The following SPPL2B variants were observed in gnomAD, a reference collection of about 807,000 sequenced individuals.
The protein encoded by SPPL2B is signal peptide peptidase-like 2B.
Under a neutral mutation model 59.7 loss-of-function variants are expected in SPPL2B, and 39 were observed. The ratio of observed to expected loss-of-function variants is 0.65; its 90% CI spans 0.51 to 0.85. The LOEUF (loss-of-function observed/expected upper bound fraction) is 0.85. Ranked by LOEUF, SPPL2B falls within the 40% of genes least tolerant of loss-of-function variation. The pLI, the probability that SPPL2B is intolerant of heterozygous loss-of-function variation, is 0.00. For missense variants in SPPL2B, 865 were observed against 849.0 expected, an observed-to-expected ratio of 1.02 and a Z score of -0.23; for synonymous variants, 419 against 370.8, an observed-to-expected ratio of 1.13 and a Z score of -1.49.
chr19:2,337,910 G>A (rs1200487304), intron 3 of SPPL2B: 12 of 385,404 alleles, frequency 3.1e-5, no homozygotes, highest in Admixed American at 2.6e-4. Context: ...CAGGGGTGAC[G>A]GAGACCACAC....
intron 11 of SPPL2B, 49 bp downstream of exon 11, chr19:2,344,473 G>C (rs773342097): frequency 6.4e-7 from 1 of 1,567,178 alleles, no homozygotes; most frequent in Non-Finnish European, 8.7e-7. Context: ...TCAAGGTGTT[G>C]CGCGGAGCGG....
intron 2 of SPPL2B, 82 bp from the exon 3 acceptor site, chr19:2,337,361 G>C: frequency 7.4e-7 from 1 of 1,347,436 alleles, no homozygotes; most frequent in Non-Finnish European, 1.0e-6. Context: ...ACTCAGCGCA[G>C]GCTTCAGGTG....
chr19:2,334,848 G>T (rs1343853851), intron 2 of SPPL2B, 127 bp downstream of exon 2: 2 of 1,272,500 alleles, frequency 1.6e-6, no homozygotes, highest in Non-Finnish European at 1.0e-6. Flanking sequence ...CAGGTCTGGG[G>T]GACTCTTAGC....
At chr19:2,334,975 C>T (rs922764364) in intron 2 of SPPL2B, among the ~76,000 whole-genome samples, 17 of 152,062 alleles carry the variant, frequency 1.1e-4, no homozygotes, top group African/African-American at 4.1e-4. Context: ...ATAAGGGTCT[C>T]TACTGCTCCA....
intron 3 of SPPL2B, 129 bp from the exon 4 acceptor site, chr19:2,338,623 C>G: frequency 1.7e-6 from 1 of 595,448 alleles, no homozygotes; most frequent in East Asian, 3.0e-5. Context: ...AGAGGGGGAG[C>G]CAGCAGGCGC....
At position 2,341,040 on chromosome 19, in the gene SPPL2B, G is replaced by A. The variant is rs758003625; in HGVS notation, c.956+26G>A. The stretch of plus-strand genomic sequence containing the variant: ...GTAAGTGCTGCTTCCCCCGGGCCCC[G>A]GCGGGCAGCGGAGTCCTCGGGTGCA... On this transcript the variant is annotated intron_variant, in intron 8 of 14. Coordinates refer to ENST00000613503, the MANE Select transcript of SPPL2B (RefSeq NM_152988.3). 27 of 1,546,230 alleles carry A rather than the reference G, an allele frequency of 1.7e-5. No homozygotes were observed. The Middle Eastern group carries it at 6.7e-4, about 38-fold the overall frequency.
At chr19:2,335,943 G>C (rs1039982665) in intron 2 of SPPL2B, among the ~76,000 whole-genome samples, 1 of 152,238 alleles carries the variant, frequency 6.6e-6, no homozygotes. Context: ...ATCAGTGTAT[G>C]TGTGCATGTG....
At chr19:2,335,029 G>A (rs1442700940) in intron 2 of SPPL2B, among the ~76,000 whole-genome samples, 1 of 152,134 alleles carries the variant, frequency 6.6e-6, no homozygotes, top group Non-Finnish European at 1.5e-5. Context: ...GGGGTCCTCA[G>A]AGGAGTAACA....
intron 2 of SPPL2B, among the ~76,000 whole-genome samples, chr19:2,335,163 G>A (rs1429469467): frequency 6.6e-6 from 1 of 150,456 alleles, no homozygotes; most frequent in East Asian, 2.0e-4. Flanking sequence ...TTCCCACTTA[G>A]TCCTCATGCC....
intron 3 of SPPL2B, 98 bp from the exon 4 acceptor site, chr19:2,338,654 C>T (rs371476797): frequency 1.3e-5 from 10 of 796,064 alleles, no homozygotes; most frequent in African/African-American, 7.0e-5. Flanking sequence ...ACCCGAGCCT[C>T]GAGTGAGGGT....
rs117619473 is a variant in SPPL2B at position 2,335,453 on chromosome 19, C to T, written c.186+732C>T. On this transcript the variant is annotated intron_variant, in intron 2 of 14. Coordinates refer to ENST00000613503, the MANE Select transcript of SPPL2B (RefSeq NM_152988.3). ...CTTTCCCACTGCATGCTTCAGGCCCCGCCTCCTTTCTCATTGCATCCTTCA... is the reference window on the plus strand; with the variant it reads ...CTTTCCCACTGCATGCTTCAGGCCCTGCCTCCTTTCTCATTGCATCCTTCA... Among the ~76,000 whole-genome samples, 1,033 of 121,794 alleles carry T rather than the reference C, an allele frequency of 8.5e-3. 35 individuals are homozygous for T. The highest frequency in any genetic ancestry group is 0.013 in the Non-Finnish European group (664 of 52,810). 79.9% of individuals were successfully genotyped at this position (121,794 alleles called of 152,430 possible).
At chr19:2,338,499 G>T in intron 3 of SPPL2B, 1 of 458,170 alleles carries the variant, frequency 2.2e-6, no homozygotes. Flanking sequence ...ACGGCCGAGG[G>T]AGGGATTAGT....
intron 1 of SPPL2B, among the ~76,000 whole-genome samples, chr19:2,331,337 G>T (rs1968282862): frequency 6.6e-6 from 1 of 152,240 alleles, no homozygotes; most frequent in African/African-American, 2.4e-5. Context: ...CGGTTGCAAA[G>T]CGTTTGTGCT....
rs527351092 is a variant in SPPL2B at position 2,336,711 on chromosome 19, C to T, written c.187-732C>T. Among the ~76,000 whole-genome samples the T allele has an allele frequency of 1.3e-3, 187 of 148,210 alleles. 5 individuals are homozygous for T. In the South Asian group the frequency reaches 0.036, roughly 29 times the overall value. ...GTGTGAGTGTGCATGTGTGTGCTTGCGTGTGCATATGTGTGCCATGTGGTC... is the reference window on the plus strand; with the variant it reads ...GTGTGAGTGTGCATGTGTGTGCTTGTGTGTGCATATGTGTGCCATGTGGTC... On this transcript the variant is annotated intron_variant, in intron 2 of 14. Coordinates refer to ENST00000613503, the MANE Select transcript of SPPL2B (RefSeq NM_152988.3).
Position 2,340,090 on chromosome 19 carries a change from G to A in SPPL2B, c.757G>A (p.Gly253Arg), listed in dbSNP as rs1214918612. Residue 253 changes from glycine to arginine, a missense_variant, in exon 7 of 15, where the codon GGG (glycine) becomes AGG (arginine). Coordinates refer to ENST00000613503, the MANE Select transcript of SPPL2B (RefSeq NM_152988.3). ...FYDLLVYVVIGIFCLASATGL... is the reference protein window; with the variant it reads ...FYDLLVYVVIRIFCLASATGL... ...TGCCCCTGCAGTGTACGTGGTCATC[G>A]GGATCTTCTGCCTGGCCTCCGCCAC... 6 of 1,594,674 alleles carry A rather than the reference G, an allele frequency of 3.8e-6. No homozygotes were observed. The highest frequency in any genetic ancestry group is 1.7e-5 in the Admixed American group (1 of 58,548).
intron 13 of SPPL2B, among the ~76,000 whole-genome samples, chr19:2,346,204 C>T (rs960271239): frequency 6.6e-6 from 1 of 152,252 alleles, no homozygotes; most frequent in Non-Finnish European, 1.5e-5. Context: ...CAGGCCTCCT[C>T]TGCCGAGCCA....
Position 2,353,490 on chromosome 19 carries a change from T to G in SPPL2B, c.*281T>G. 2.2e-6 allele frequency: 1 copy of G among 461,426 alleles called. No homozygotes were observed. The highest frequency in any genetic ancestry group is 3.9e-6 in the Non-Finnish European group (1 of 258,956). 28.6% of individuals were successfully genotyped at this position (461,426 alleles called of 1,614,324 possible). A position where few individuals can be genotyped will look rare whatever the true frequency, so the allele number is the denominator to read the frequency against. The stretch of plus-strand genomic sequence containing the variant: ...CACCGGGGTCCGTCCTCGCAGGCCC[T>G]GCCCGGCCTCTCTGCAGACCCTCAA... On this transcript the variant is annotated 3_prime_UTR_variant, in exon 15 of 15. Coordinates refer to ENST00000613503, the MANE Select transcript of SPPL2B (RefSeq NM_152988.3).
Position 2,338,804 on chromosome 19 carries a change from C to T in SPPL2B, c.422C>T (p.Ala141Val), listed in dbSNP as rs773886320. Residue 141 changes from alanine (A) to valine (V), a missense_variant, in exon 4 of 15, where the codon GCC (alanine) becomes GTC (valine). By Grantham distance (64) the Ala-to-Val change is moderately conservative (BLOSUM62 0). Coordinates refer to ENST00000613503, the MANE Select transcript of SPPL2B (RefSeq NM_152988.3). ...TQYDEIGIPV[A>V]LLSYKDMLDI... ...TATGATGAGATTGGCATTCCCGTGG[C>T]CCTGCTCAGCTACAAAGACATGCTG... is the stretch of plus-strand genomic sequence containing the variant. 2.5e-5 allele frequency: 40 copies of T among 1,613,522 alleles called. No individual in the cohort carries two copies. Among genetic ancestry groups the T allele is most frequent in the Non-Finnish European group, 3.3e-5 (39 of 1,179,708 alleles).
intron 3 of SPPL2B, 136 bp from the exon 4 acceptor site, chr19:2,338,616 G>A (rs989662017): frequency 6.8e-6 from 4 of 588,596 alleles, no homozygotes; most frequent in East Asian, 3.0e-5. Flanking sequence ...CAGCTGCAGA[G>A]GGGGAGCCAG....
Sources: gnomAD v4.1 joint callset for allele counts (sites outside exome capture counted in the v4.1 genomes callset) on GRCh38, gnomAD v4.1.1 for gene constraint, MANE v1.5 for transcripts, NCBI Gene and HGNC (gene_info 2026-07-23, HGNC 2026-07-21) for gene names.